SIPA1L2: variants seen among roughly 807,000 people sequenced by gnomAD.
The protein encoded by SIPA1L2 is signal-induced proliferation-associated 1-like protein 2.
Under a neutral mutation model 163.9 loss-of-function variants are expected in SIPA1L2, and 56 were observed. That is an observed-to-expected ratio of 0.34 (90% CI 0.28 to 0.43). The LOEUF (loss-of-function observed/expected upper bound fraction) is 0.43. SIPA1L2 is among the 20% of genes least tolerant of loss of function. The pLI is 1.00. For missense variants in SIPA1L2, 1,974 were observed against 2,193.5 expected, an observed-to-expected ratio of 0.90 and a Z score of 2.00; for synonymous variants, 877 against 865.7, an observed-to-expected ratio of 1.01 and a Z score of -0.23.
chr1:232,612,150 G>A (rs1366954118), intron 1 of SIPA1L2, among the ~76,000 whole-genome samples: 1 of 152,220 alleles, frequency 6.6e-6, no homozygotes, highest in Non-Finnish European at 1.5e-5. Context: ...TGAGGTTTGG[G>A]AACCTCAGCC....
intron 1 of SIPA1L2, among the ~76,000 whole-genome samples, chr1:232,629,503 G>C (rs987920895): frequency 6.6e-6 from 1 of 152,200 alleles, no homozygotes; most frequent in African/African-American, 2.4e-5. Context: ...AAGCTGCGTC[G>C]GGCAACCGCG....
intron 8 of SIPA1L2, among the ~76,000 whole-genome samples, chr1:232,467,286 T>A (rs79720249): frequency 6.6e-6 from 1 of 152,146 alleles, no homozygotes; most frequent in Non-Finnish European, 1.5e-5. Flanking sequence ...TGCTTTATGG[T>A]AGTATATATA....
chr1:232,543,040 T>G (rs530922659), intron 2 of SIPA1L2, among the ~76,000 whole-genome samples: 1 of 152,212 alleles, frequency 6.6e-6, no homozygotes, highest in Non-Finnish European at 1.5e-5. Context: ...TATAAATTTG[T>G]GCGCCTTCAT....
intron 6 of SIPA1L2, among the ~76,000 whole-genome samples, chr1:232,481,468 C>G (rs957571840): frequency 1.3e-5 from 2 of 151,738 alleles, no homozygotes; most frequent in African/African-American, 4.8e-5. Flanking sequence ...AGATGCATTG[C>G]GGGGGGGAAA....
rs1667112429 is a variant in SIPA1L2 at position 232,514,227 on chromosome 1, C to T, written c.1113G>A (p.Thr371=). 2 of 1,614,216 alleles carry T rather than the reference C, an allele frequency of 1.2e-6. No individual in the cohort carries two copies. The highest frequency in any genetic ancestry group is 1.7e-6 in the Non-Finnish European group (2 of 1,180,042). The part of the protein sequence containing the change: ...ASAASQTQMP[T]GQTGNCESPL... ...GGGACTCACAGTTGCCTGTCTGGCC[C>T]GTAGGCATCTGAGTCTGGGATGCTG... The change falls in exon 3 of 23, where the codon ACG becomes ACA. Residue 371 remains threonine (T), a synonymous_variant. Coordinates refer to ENST00000674635, the MANE Select transcript of SIPA1L2 (RefSeq NM_020808.5).
At chr1:232,613,924 G>A (rs978548969) in intron 1 of SIPA1L2, among the ~76,000 whole-genome samples, 4 of 152,116 alleles carry the variant, frequency 2.6e-5, no homozygotes, top group East Asian at 1.9e-4. Context: ...TCTTTATTCC[G>A]AGTCCAACAA....
At chr1:232,601,175 A>G (rs955956266) in intron 1 of SIPA1L2, among the ~76,000 whole-genome samples, 2 of 152,154 alleles carry the variant, frequency 1.3e-5, no homozygotes, top group African/African-American at 4.8e-5. Flanking sequence ...CAAGATGAAG[A>G]CTGCCTCATC....
In SIPA1L2 at chr1:232,514,297, C is replaced by T. The variant is rs1320055172; in HGVS notation, c.1043G>A (p.Arg348Lys). 3.7e-6 allele frequency: 6 copies of T among 1,613,658 alleles called. No homozygotes were observed. The highest frequency in any genetic ancestry group is 1.7e-5 in the Admixed American group (1 of 60,010). ...GTTTTTCCTTTTCCCCACATTAGCC[C>T]TCGTAGCCATGGCTTCGTTGATATT... The part of the protein sequence containing the change: ...LFNINEAMAT[R>K]ANVGKRKNIT... Residue 348 changes from arginine to lysine, a missense_variant, in exon 3 of 23, where the codon AGG becomes AAG. Arg to Lys is a conservative substitution (Grantham distance 26, BLOSUM62 2). Around this residue, in one of 3 missense-constraint regions of SIPA1L2, gnomAD observed 607 missense variants for 624.0 expected, o/e 0.97. Coordinates refer to ENST00000674635, the MANE Select transcript of SIPA1L2 (RefSeq NM_020808.5).
intron 10 of SIPA1L2, among the ~76,000 whole-genome samples, chr1:232,447,580 C>A (rs1428498784): frequency 6.6e-6 from 1 of 152,268 alleles, no homozygotes; most frequent in Non-Finnish European, 1.5e-5. Flanking sequence ...AGGCACCTTT[C>A]TGACACAAGC....
At chr1:232,502,507 T>C (rs1454409155) in intron 3 of SIPA1L2, among the ~76,000 whole-genome samples, 1 of 152,192 alleles carries the variant, frequency 6.6e-6, no homozygotes, top group Non-Finnish European at 1.5e-5. Context: ...AATTATACTT[T>C]TAAAAGTTTG....
intron 3 of SIPA1L2, among the ~76,000 whole-genome samples, chr1:232,505,180 A>C (rs1666671064): frequency 1.3e-5 from 2 of 152,234 alleles, no homozygotes; most frequent in Non-Finnish European, 2.9e-5. Flanking sequence ...AAACACTAGG[A>C]AAGTATGAAA....
chr1:232,477,958 C>T (rs758190271), intron 7 of SIPA1L2, among the ~76,000 whole-genome samples: 8 of 152,180 alleles, frequency 5.3e-5, no homozygotes, highest in Non-Finnish European at 8.8e-5. Flanking sequence ...TTTCTGCTAA[C>T]GTACTGACAG....
chr1:232,466,812 A>C (rs182287499), intron 8 of SIPA1L2, among the ~76,000 whole-genome samples: 115 of 152,232 alleles, frequency 7.6e-4, no homozygotes, highest in African/African-American at 2.6e-3. Flanking sequence ...AACAGAAACA[A>C]AAACAAAAAA....
intron 18 of SIPA1L2, among the ~76,000 whole-genome samples, chr1:232,423,771 T>C (rs1483058623): frequency 6.6e-6 from 1 of 152,086 alleles, no homozygotes; most frequent in East Asian, 1.9e-4. Flanking sequence ...CAAACTACGG[T>C]ACATCTAGAT....
Position 232,599,643 on chromosome 1 carries a change from T to C in SIPA1L2, c.-318-25421A>G, listed in dbSNP as rs576351368. On this transcript the variant is annotated intron_variant, in intron 1 of 22. Transcript: ENST00000674635. ...TGGTGAGAGCGGCTACACGGTGGGG[T>C]AGAACTACCCTCTAAGATTGGAGAT... 1.4e-3 allele frequency among the ~76,000 whole-genome samples: 219 copies of C among 152,158 alleles called. 1 individual carries two copies. Among genetic ancestry groups the C allele is most frequent in the African/African-American group, 5.1e-3 (213 of 41,520 alleles).
At chr1:232,553,576 C>T (rs960970962) in intron 2 of SIPA1L2, among the ~76,000 whole-genome samples, 3 of 152,096 alleles carry the variant, frequency 2.0e-5, no homozygotes, top group Non-Finnish European at 2.9e-5. Flanking sequence ...CTCAGCTACA[C>T]GTGGAAAGTG....
intron 2 of SIPA1L2, among the ~76,000 whole-genome samples, chr1:232,536,439 C>G (rs777737905): frequency 2.0e-5 from 3 of 152,196 alleles, no homozygotes; most frequent in Admixed American, 6.5e-5. Flanking sequence ...CAACCAACCA[C>G]TCTCCTGGCC....
At chr1:232,597,523 C>CAA (rs66718972) in intron 1 of SIPA1L2, among the ~76,000 whole-genome samples, 19 of 126,782 alleles carry the variant, frequency 1.5e-4, no homozygotes, top group African/African-American at 2.9e-4. Flanking sequence ...TAAAAAATAC[C>CAA]AAAAAAAAAA....
At chr1:232,433,400 A>AG (rs1469548615) in intron 15 of SIPA1L2, among the ~76,000 whole-genome samples, 6 of 152,216 alleles carry the variant, frequency 3.9e-5, no homozygotes, top group Non-Finnish European at 8.8e-5. Context: ...CACAAAAGCC[A>AG]GGTTAGTGGC....
Sources: gnomAD v4.1 joint callset for allele counts (sites outside exome capture counted in the v4.1 genomes callset) on GRCh38, gnomAD v4.1.1 for gene constraint, gnomAD v4.1.1 regional missense constraint, MANE v1.5 for transcripts, NCBI Gene and HGNC (gene_info 2026-07-23, HGNC 2026-07-21) for gene names.